The following ARHGAP42 variants were observed in gnomAD, a reference collection of about 807,000 sequenced individuals.
ARHGAP42 encodes the protein Rho GTPase activating protein 42, also known as rho GTPase-activating protein 42.
In ARHGAP42, 63 loss-of-function variants were observed where a neutral mutation model predicts 125.0. The observed-to-expected ratio is 0.50, with a 90% CI of 0.41 to 0.62. The LOEUF (loss-of-function observed/expected upper bound fraction) is 0.62, where lower values mean the gene tolerates loss of function less well. Ranked by LOEUF, ARHGAP42 falls within the 20% of genes least tolerant of loss-of-function variation. ARHGAP42 has a pLI of 0.00. For missense variants in ARHGAP42, 766 were observed against 1,024.2 expected (o/e 0.75, Z 3.44); for synonymous variants, 339 against 351.0 (o/e 0.97, Z 0.38).
At chr11:100,800,610 C>T (rs1863827784) in intron 3 of ARHGAP42, among the ~76,000 whole-genome samples, 1 of 152,126 alleles carries the variant, frequency 6.6e-6, no homozygotes, top group South Asian at 2.1e-4. Context: ...GAAGATCCGA[C>T]CACCCATTTC....
intron 3 of ARHGAP42, among the ~76,000 whole-genome samples, chr11:100,832,365 C>G (rs936115488): frequency 1.2e-4 from 18 of 152,192 alleles, no homozygotes; most frequent in African/African-American, 4.3e-4. Flanking sequence ...CTGATGATCT[C>G]TCTAAGTTTC....
intron 3 of ARHGAP42, among the ~76,000 whole-genome samples, chr11:100,807,076 G>A (rs796685611): frequency 1.3e-4 from 20 of 152,148 alleles, no homozygotes; most frequent in African/African-American, 3.1e-4. Flanking sequence ...TCGAACTCCT[G>A]ACCTCAGGTG....
intron 4 of ARHGAP42, among the ~76,000 whole-genome samples, chr11:100,903,227 AAT>A (rs1352191823): frequency 6.6e-6 from 1 of 151,918 alleles, no homozygotes; most frequent in Non-Finnish European, 1.5e-5. Flanking sequence ...TATTATATGT[AAT>A]ATAATATAAA....
intron 3 of ARHGAP42, among the ~76,000 whole-genome samples, chr11:100,828,328 C>G (rs7927459): frequency 0.12 from 18,750 of 152,076 alleles, 1,232 homozygotes; most frequent in African/African-American, 0.17. Context: ...TTAGAGCTTT[C>G]TTTATTTCAA....
At chr11:100,873,310 A>G (rs1373604571) in intron 4 of ARHGAP42, among the ~76,000 whole-genome samples, 1 of 152,220 alleles carries the variant, frequency 6.6e-6, no homozygotes, top group South Asian at 2.1e-4. Flanking sequence ...TTACATCACA[A>G]TTTAGCAAGT....
chr11:100,962,002 G>A (rs1857967425), intron 15 of ARHGAP42, among the ~76,000 whole-genome samples: 1 of 152,128 alleles, frequency 6.6e-6, no homozygotes, highest in African/African-American at 2.4e-5. Context: ...TACTGAATTA[G>A]TATTTGTTGT....
intron 6 of ARHGAP42, among the ~76,000 whole-genome samples, chr11:100,932,859 G>A (rs17095820): frequency 0.14 from 21,609 of 152,034 alleles, 1,870 homozygotes; most frequent in East Asian, 0.25. Flanking sequence ...TACTTTAGTC[G>A]TTATCTTAGT....
intron 1 of ARHGAP42, among the ~76,000 whole-genome samples, chr11:100,701,279 G>A: frequency 6.6e-6 from 1 of 152,006 alleles, no homozygotes; most frequent in East Asian, 1.9e-4. Context: ...TGCTTCTTAA[G>A]GAGTCTAGGA....
intron 1 of ARHGAP42, among the ~76,000 whole-genome samples, chr11:100,742,824 A>G (rs910521547): frequency 1.3e-5 from 2 of 152,014 alleles, no homozygotes; most frequent in African/African-American, 4.8e-5. Context: ...TATTATGACT[A>G]CCTTTGTCTT....
intron 1 of ARHGAP42, among the ~76,000 whole-genome samples, chr11:100,713,314 T>C (rs1007803593): frequency 1.2e-4 from 18 of 152,164 alleles, no homozygotes; most frequent in African/African-American, 4.3e-4. Flanking sequence ...TTGAGGCAGA[T>C]GGGTCAAAGT....
At chr11:100,792,381 G>T (rs1296484821) in intron 2 of ARHGAP42, among the ~76,000 whole-genome samples, 1 of 152,142 alleles carries the variant, frequency 6.6e-6, no homozygotes, top group Non-Finnish European at 1.5e-5. Flanking sequence ...ATGAAAACTA[G>T]CAATCTCCTA....
chr11:100,926,355 C>T lies in ARHGAP42; in HGVS notation c.597+4751C>T, dbSNP rs551917210. Among the ~76,000 whole-genome samples the T allele has an allele frequency of 5.0e-3, 760 of 152,296 alleles. 3 individuals are homozygous for T. Among genetic ancestry groups the T allele is most frequent in the Non-Finnish European group, 8.2e-3 (561 of 68,030 alleles). ...TAAAGTGGCAGATAGGAACTCAGAA[C>T]CCAAATCTGAAGTCATGGCATAGTA... is the stretch of plus-strand genomic sequence containing the variant. On this transcript the variant is annotated intron_variant, in intron 6 of 23. Transcript: ENST00000298815.
At chr11:100,799,457 A>G (rs1565219030) in intron 3 of ARHGAP42, among the ~76,000 whole-genome samples, 1 of 152,312 alleles carries the variant, frequency 6.6e-6, no homozygotes, top group Non-Finnish European at 1.5e-5. Flanking sequence ...CGTGCTTTAT[A>G]TGTGATCCTT....
intron 4 of ARHGAP42, among the ~76,000 whole-genome samples, chr11:100,892,895 AC>A (rs1866255390): frequency 1.3e-5 from 2 of 152,134 alleles, no homozygotes; most frequent in African/African-American, 2.4e-5. Flanking sequence ...TCTCTGATTA[AC>A]CTAAATATCT....
chr11:100,945,839 T>C (rs1380979488), intron 10 of ARHGAP42, among the ~76,000 whole-genome samples: 1 of 152,112 alleles, frequency 6.6e-6, no homozygotes, highest in African/African-American at 2.4e-5. Flanking sequence ...GAATGATATA[T>C]GAACATTGGC....
At chr11:100,882,788 A>G (rs933658681) in intron 4 of ARHGAP42, among the ~76,000 whole-genome samples, 1 of 151,968 alleles carries the variant, frequency 6.6e-6, no homozygotes, top group Non-Finnish European at 1.5e-5. Flanking sequence ...TCTTCAGGGT[A>G]TCTGTCTGTT....
chr11:100,769,623 T>C (rs1591166032), intron 1 of ARHGAP42, among the ~76,000 whole-genome samples: 1 of 152,044 alleles, frequency 6.6e-6, no homozygotes, highest in Non-Finnish European at 1.5e-5. Flanking sequence ...TTCTACTTTT[T>C]CCACAGTTTA....
chr11:100,709,269 A>C (rs1861524556), intron 1 of ARHGAP42, among the ~76,000 whole-genome samples: 1 of 151,334 alleles, frequency 6.6e-6, no homozygotes, highest in Non-Finnish European at 1.5e-5. Context: ...TGAACTCTTG[A>C]CCTCAAATGA....
intron 6 of ARHGAP42, among the ~76,000 whole-genome samples, chr11:100,932,143 C>A (rs1196412473): frequency 6.6e-6 from 1 of 152,118 alleles, no homozygotes; most frequent in Non-Finnish European, 1.5e-5. Flanking sequence ...CAGTGTTTAT[C>A]TGTTGGAAAT....
Sources: allele counts gnomAD v4.1 joint callset (sites outside exome capture counted in the v4.1 genomes callset), GRCh38; gene constraint gnomAD v4.1.1; transcripts MANE v1.5; gene names NCBI Gene and HGNC (gene_info 2026-07-23, HGNC 2026-07-21).